Variants in WDR37 observed in about 807,000 individuals in gnomAD.
The protein encoded by WDR37 is WD repeat-containing protein 37.
In WDR37, 19 loss-of-function variants were observed where a neutral mutation model predicts 62.9. The ratio of observed to expected loss-of-function variants is 0.30; its 90% CI spans 0.21 to 0.44. The LOEUF is 0.44. WDR37 is among the 20% of genes least tolerant of loss of function. The pLI, the probability that WDR37 is intolerant of heterozygous loss-of-function variation, is 1.00. For missense variants in WDR37, 474 were observed against 657.6 expected (o/e 0.72, Z 3.05); for synonymous variants, 250 against 260.9 (o/e 0.96, Z 0.40).
chr10:1,072,383 T>A (rs1833756161), intron 2 of WDR37, 90 bp downstream of exon 2: 9 of 1,523,710 alleles, frequency 5.9e-6, no homozygotes, highest in Non-Finnish European at 8.0e-6. Context: ...GATGGTGCGA[T>A]CTCCGCTCAC....
At chr10:1,091,054 C>T (rs1386953969) in intron 7 of WDR37, among the ~76,000 whole-genome samples, 1 of 152,198 alleles carries the variant, frequency 6.6e-6, no homozygotes. Context: ...TGATTCTGTG[C>T]CGATTTTGTA....
intron 11 of WDR37, among the ~76,000 whole-genome samples, chr10:1,109,731 T>C (rs1835150065): frequency 2.0e-5 from 3 of 151,998 alleles, no homozygotes; most frequent in Non-Finnish European, 4.4e-5. Flanking sequence ...AAAAAAAAAT[T>C]CTGGTTAATT....
intron 8 of WDR37, among the ~76,000 whole-genome samples, chr10:1,094,375 A>G (rs976491851): frequency 5.3e-5 from 8 of 152,310 alleles, no homozygotes; most frequent in African/African-American, 1.4e-4. Flanking sequence ...TGGCCCCTTC[A>G]TGCAGGTGGA....
chr10:1,129,070 G>A, intron 13 of WDR37, 143 bp from the exon 14 acceptor site: 1 of 1,166,678 alleles, frequency 8.6e-7, no homozygotes, highest in Admixed American at 2.6e-5. Flanking sequence ...CGTGCTCGGT[G>A]GTCCATGGGA....
chr10:1,083,619 G>A (rs1192425510), intron 5 of WDR37, among the ~76,000 whole-genome samples: 1 of 152,310 alleles, frequency 6.6e-6, no homozygotes, highest in South Asian at 2.1e-4. Flanking sequence ...TGCAGAAATC[G>A]TTGTGTTGAA....
rs772522176 is a variant in WDR37 at position 1,108,738 on chromosome 10, TG to T, written c.1103+3472del. Among the ~76,000 whole-genome samples, 16 of 59,778 alleles carry T rather than the reference TG, an allele frequency of 2.7e-4. 1 individual carries two copies. The highest frequency in any genetic ancestry group is 4.4e-4 in the African/African-American group (8 of 18,182). The allele number at this position is 59,778 out of a possible 152,430, so 39.2% of individuals were successfully genotyped here. On this transcript the variant is annotated intron_variant, in intron 11 of 13. Transcript: ENST00000263150. Reference sequence around the variant, plus strand: ...GTTGCTTTGGTTTTGGCTTCTGTGATGCCCCCCCCCCCCGTGGAACCTGCAG... The same window carrying T: ...GTTGCTTTGGTTTTGGCTTCTGTGATCCCCCCCCCCCCGTGGAACCTGCAG...
At chr10:1,062,676 A>G (rs183171672) in intron 1 of WDR37, among the ~76,000 whole-genome samples, 6 of 152,324 alleles carry the variant, frequency 3.9e-5, no homozygotes, top group Admixed American at 1.3e-4. Flanking sequence ...AGGCCTACAC[A>G]TATGCAATTT....
intron 10 of WDR37, among the ~76,000 whole-genome samples, chr10:1,104,647 A>G (rs1203829008): frequency 6.6e-6 from 1 of 152,142 alleles, no homozygotes; most frequent in Non-Finnish European, 1.5e-5. Flanking sequence ...GCCCTAACTG[A>G]AGGGAAGGGT....
At chr10:1,120,742 C>T (rs1157985371) in intron 11 of WDR37, among the ~76,000 whole-genome samples, 3 of 152,218 alleles carry the variant, frequency 2.0e-5, no homozygotes, top group East Asian at 1.9e-4. Flanking sequence ...TGTTTGATGT[C>T]GTGCCGGAAA....
In WDR37 at chr10:1,097,143, A is replaced by C. The variant is rs999135071; in HGVS notation, c.726+897A>C. On this transcript the variant is annotated intron_variant, in intron 9 of 13. Transcript: ENST00000263150. ...TGAAAGGACGGAGATACTCCGAAAG[A>C]GTTGTTAAGGGAAAGGGGACGAGAA... 2.0e-5 allele frequency among the ~76,000 whole-genome samples: 3 copies of C among 152,168 alleles called. 1 individual carries two copies. The highest frequency in any genetic ancestry group is 7.2e-5 in the African/African-American group (3 of 41,420).
intron 1 of WDR37, among the ~76,000 whole-genome samples, chr10:1,066,529 G>A (rs1292126694): frequency 6.6e-6 from 1 of 152,170 alleles, no homozygotes; most frequent in Non-Finnish European, 1.5e-5. Context: ...TTTCTCCCCA[G>A]ATTGATGTAC....
At position 1,092,604 on chromosome 10, in the gene WDR37, C is replaced by T. The variant is rs558423531; in HGVS notation, c.605-848C>T. On this transcript the variant is annotated intron_variant, in intron 7 of 13. Transcript: ENST00000263150. Reference sequence around the variant, plus strand: ...CGATCTCCTGACCTCGTGATCTGCCCGCCTCGGCCTCCCAAAGTGCTGGTA... The same window carrying T: ...CGATCTCCTGACCTCGTGATCTGCCTGCCTCGGCCTCCCAAAGTGCTGGTA... 1.3e-4 allele frequency among the ~76,000 whole-genome samples: 20 copies of T among 151,790 alleles called. No homozygotes were observed. In the South Asian group the frequency reaches 3.8e-3, roughly 29 times the overall value.
At chr10:1,119,417 C>T (rs186282250) in intron 11 of WDR37, among the ~76,000 whole-genome samples, 131 of 152,252 alleles carry the variant, frequency 8.6e-4, no homozygotes, top group Non-Finnish European at 1.6e-3. Context: ...TATTTTTGGC[C>T]GGATGAGGTG....
chr10:1,066,307 G>A (rs1415513636), intron 1 of WDR37, among the ~76,000 whole-genome samples: 10 of 152,118 alleles, frequency 6.6e-5, no homozygotes, highest in African/African-American at 1.9e-4. Context: ...TAGTAGAGAC[G>A]GGGTTTCACC....
chr10:1,086,748 C>T lies in WDR37; in HGVS notation c.604+391C>T, dbSNP rs534651793. On this transcript the variant is annotated intron_variant, in intron 7 of 13. Transcript: ENST00000263150. ...AAAGGATACTCCATGAATGTGCTTG[C>T]GTGCCCGTAGTTAATGCTGTCCACG... is the stretch of plus-strand genomic sequence containing the variant. Among the ~76,000 whole-genome samples the T allele has an allele frequency of 2.2e-4, 33 of 152,306 alleles. No homozygotes were observed. The South Asian group carries it at 2.7e-3, about 12-fold the overall frequency.
intron 13 of WDR37, among the ~76,000 whole-genome samples, chr10:1,128,753 G>A (rs1407896813): frequency 1.3e-5 from 2 of 152,186 alleles, no homozygotes; most frequent in African/African-American, 2.4e-5. Context: ...GCTCACTGGT[G>A]TCTCGGCATC....
chr10:1,086,740 T>C (rs759259351), intron 7 of WDR37, among the ~76,000 whole-genome samples: 3 of 152,252 alleles, frequency 2.0e-5, no homozygotes, highest in Non-Finnish European at 4.4e-5. Flanking sequence ...ACTCCATGAA[T>C]GTGCTTGCGT....
At chr10:1,127,645 T>C (rs547946414) in intron 13 of WDR37, among the ~76,000 whole-genome samples, 5 of 151,882 alleles carry the variant, frequency 3.3e-5, no homozygotes, top group African/African-American at 1.2e-4. Context: ...AGTCAGGAGG[T>C]CCGGGGTCAG....
intron 13 of WDR37, among the ~76,000 whole-genome samples, chr10:1,126,413 A>C (rs912463399): frequency 4.6e-4 from 70 of 151,656 alleles, no homozygotes; most frequent in East Asian, 3.9e-4. Flanking sequence ...CTCAGAAAAA[A>C]AAAAAAGAAA....
Sources: allele counts gnomAD v4.1 joint callset (sites outside exome capture counted in the v4.1 genomes callset), GRCh38; gene constraint gnomAD v4.1.1; transcripts MANE v1.5; gene names NCBI Gene and HGNC (gene_info 2026-07-23, HGNC 2026-07-21).